The following IQGAP1 variants were observed in gnomAD, a reference collection of about 807,000 sequenced individuals.
IQGAP1 encodes the protein IQ motif containing GTPase activating protein 1.
In IQGAP1, 66 loss-of-function variants were observed where a neutral mutation model predicts 215.6. That is an observed-to-expected ratio of 0.31 (90% CI 0.25 to 0.38). The LOEUF (loss-of-function observed/expected upper bound fraction) is 0.38, where lower values mean the gene tolerates loss of function less well. Ranked by LOEUF, IQGAP1 falls within the 10% of genes least tolerant of loss-of-function variation. The probability of loss-of-function intolerance (pLI) is 1.00; values close to 1 mark genes in which losing one functional copy is unlikely to be tolerated. For missense variants in IQGAP1, 1,712 were observed against 1,997.1 expected (o/e 0.86, Z 2.72); for synonymous variants, 772 against 728.7 (o/e 1.06, Z -0.96).
In IQGAP1 at chr15:90,438,238, C is replaced by T. The variant is rs1965397369; in HGVS notation, c.468-1094C>T. ...TAAACTGTCAATATCTTGCTTTTGT[C>T]AGTATCTGTAAAGTACCCTTCTGAT... On this transcript the variant is annotated intron_variant, in intron 5 of 37. Coordinates refer to ENST00000268182, the MANE Select transcript of IQGAP1 (RefSeq NM_003870.4). Among the ~76,000 whole-genome samples, 3 of 152,160 alleles carry T rather than the reference C, an allele frequency of 2.0e-5. No individual in the cohort carries two copies. In the East Asian group the frequency reaches 5.8e-4, roughly 29 times the overall value.
chr15:90,408,357 C>T (rs1217595847), intron 2 of IQGAP1, among the ~76,000 whole-genome samples: 1 of 151,894 alleles, frequency 6.6e-6, no homozygotes, highest in East Asian at 1.9e-4. Flanking sequence ...TAATTGAGAC[C>T]AGGAGTAATA....
chr15:90,458,592 T>G (rs955170017), intron 15 of IQGAP1, among the ~76,000 whole-genome samples: 5 of 152,234 alleles, frequency 3.3e-5, no homozygotes, highest in African/African-American at 1.2e-4. Context: ...AGAATTAGAC[T>G]TTAAGCTTAG....
At chr15:90,410,422 A>G (rs529894637) in intron 2 of IQGAP1, among the ~76,000 whole-genome samples, 1 of 152,328 alleles carries the variant, frequency 6.6e-6, no homozygotes, top group South Asian at 2.1e-4. Context: ...GATAGCAAAC[A>G]CTTGGAACCA....
At chr15:90,459,955 A>G (rs1280550791) in intron 15 of IQGAP1, among the ~76,000 whole-genome samples, 1 of 152,178 alleles carries the variant, frequency 6.6e-6, no homozygotes, top group Non-Finnish European at 1.5e-5. Context: ...GTAAAGGATT[A>G]GCTAGTTCTT....
intron 10 of IQGAP1, 81 bp downstream of exon 10, chr15:90,448,817 C>T (rs1965560513): frequency 1.7e-6 from 2 of 1,210,884 alleles, no homozygotes; most frequent in Admixed American, 8.1e-5. Flanking sequence ...GATATATATG[C>T]TGCCTTTGTT....
intron 2 of IQGAP1, among the ~76,000 whole-genome samples, chr15:90,400,796 A>G (rs1426509051): frequency 6.6e-6 from 1 of 152,262 alleles, no homozygotes; most frequent in Non-Finnish European, 1.5e-5. Context: ...GGCATGTTCT[A>G]GGAATTTCAT....
At position 90,491,978 on chromosome 15, in the gene IQGAP1, A is replaced by C. The variant is rs188372149; in HGVS notation, c.4461+433A>C. On this transcript the variant is annotated intron_variant, in intron 34 of 37. Coordinates refer to ENST00000268182, the MANE Select transcript of IQGAP1 (RefSeq NM_003870.4). Reference sequence around the variant, plus strand: ...ATGCACACCTGAGAACTGGTAGTTGATGTATTATAGTTCTCTTTTTCTCCC... The same window carrying C: ...ATGCACACCTGAGAACTGGTAGTTGCTGTATTATAGTTCTCTTTTTCTCCC... 8.4e-4 allele frequency among the ~76,000 whole-genome samples: 128 copies of C among 152,280 alleles called. 1 individual carries two copies. Among genetic ancestry groups the C allele is most frequent in the African/African-American group, 3.0e-3 (124 of 41,542 alleles).
chr15:90,477,040 A>G, intron 24 of IQGAP1, 27 bp from the exon 25 acceptor site: 2 of 1,609,048 alleles, frequency 1.2e-6, no homozygotes, highest in African/African-American at 1.3e-5. Context: ...TTACCTACAA[A>G]TGACTTATCC....
rs1966341437 is a variant in IQGAP1, at chr15:90,501,550, A to G, written c.*1442A>G. ...AAGCCAATAAACTGCTTTAATGAATAACAAACTATGTAGTGTGTCCCTATT... is the reference window on the plus strand; with the variant it reads ...AAGCCAATAAACTGCTTTAATGAATGACAAACTATGTAGTGTGTCCCTATT... On this transcript the variant is annotated 3_prime_UTR_variant, in exon 38 of 38. Coordinates refer to ENST00000268182, the MANE Select transcript of IQGAP1 (RefSeq NM_003870.4). 6.6e-6 allele frequency: 1 copy of G among 152,240 alleles called. No individual in the cohort carries two copies. Among genetic ancestry groups the G allele is most frequent in the East Asian group, 1.9e-4 (1 of 5,202 alleles). 9.4% of individuals were successfully genotyped at this position (152,240 alleles called of 1,614,324 possible).
intron 15 of IQGAP1, among the ~76,000 whole-genome samples, chr15:90,464,081 T>A (rs1350569544): frequency 2.0e-5 from 3 of 152,254 alleles, no homozygotes; most frequent in African/African-American, 7.2e-5. Flanking sequence ...TTCTTTATTC[T>A]GCCTCATTCA....
rs1555435963 is a variant in IQGAP1, at chr15:90,422,664, A to ATG, written c.156-3445_156-3444insGT. Among the ~76,000 whole-genome samples the ATG allele has an allele frequency of 2.5e-5, 3 of 121,410 alleles. No individual in the cohort carries two copies. The East Asian group carries it at 8.8e-4, about 35-fold the overall frequency. 79.6% of individuals were successfully genotyped at this position (121,410 alleles called of 152,430 possible). A position where few individuals can be genotyped will look rare whatever the true frequency, so the allele number is the denominator to read the frequency against. On this transcript the variant is annotated intron_variant, in intron 2 of 37. Coordinates refer to ENST00000268182, the MANE Select transcript of IQGAP1 (RefSeq NM_003870.4). ...TGTATATGTATATATATATATGTAT[A>ATG]TATATATATATATATAATTTTTGAG... is the stretch of plus-strand genomic sequence containing the variant.
At chr15:90,483,297 G>C (rs1466749975) in intron 28 of IQGAP1, 64 bp from the exon 29 acceptor site, 4 of 1,251,020 alleles carry the variant, frequency 3.2e-6, no homozygotes, top group Non-Finnish European at 3.5e-6. Flanking sequence ...TGCTAGCAAA[G>C]TCATTTATAG....
intron 33 of IQGAP1, 92 bp downstream of exon 33, chr15:90,487,674 A>C: frequency 1.2e-6 from 1 of 846,886 alleles, no homozygotes; most frequent in South Asian, 1.6e-5. Flanking sequence ...CACAAATAAC[A>C]GTTGGTAGCC....
chr15:90,408,558 G>C (rs896581347), intron 2 of IQGAP1, among the ~76,000 whole-genome samples: 1 of 152,160 alleles, frequency 6.6e-6, no homozygotes, highest in African/African-American at 2.4e-5. Flanking sequence ...CTGATGGTAG[G>C]TCATGAAAAG....
At chr15:90,451,206 A>G (rs1357646835) in intron 11 of IQGAP1, among the ~76,000 whole-genome samples, 3 of 152,160 alleles carry the variant, frequency 2.0e-5, no homozygotes, top group Admixed American at 1.3e-4. Context: ...TCTCAACACC[A>G]TTTATTGAAG....
intron 4 of IQGAP1, among the ~76,000 whole-genome samples, chr15:90,432,601 T>C (rs2019559): frequency 0.035 from 5,342 of 152,270 alleles, 279 homozygotes; most frequent in African/African-American, 0.12. Flanking sequence ...GAACGTATTC[T>C]GTAGATTTTA....
At chr15:90,417,625 A>T (rs934435830) in intron 2 of IQGAP1, among the ~76,000 whole-genome samples, 8 of 152,130 alleles carry the variant, frequency 5.3e-5, no homozygotes, top group African/African-American at 1.9e-4. Context: ...GCCTTGTAGT[A>T]TAGTTTGAAG....
chr15:90,389,832 C>G (rs1185009621), intron 1 of IQGAP1, among the ~76,000 whole-genome samples: 1 of 151,462 alleles, frequency 6.6e-6, no homozygotes, highest in South Asian at 2.1e-4. Context: ...TGGCCCATGC[C>G]TGTGGTCCCA....
intron 2 of IQGAP1, among the ~76,000 whole-genome samples, chr15:90,412,490 C>T (rs571021634): frequency 7.2e-5 from 11 of 152,260 alleles, no homozygotes; most frequent in African/African-American, 1.7e-4. Context: ...CTTGGCCTGA[C>T]GTATTCTCCC....
Sources: gnomAD v4.1 joint callset for allele counts (sites outside exome capture counted in the v4.1 genomes callset) on GRCh38, gnomAD v4.1.1 for gene constraint, MANE v1.5 for transcripts, NCBI Gene and HGNC (gene_info 2026-07-23, HGNC 2026-07-21) for gene names.